Variants in CADM2 observed in about 807,000 individuals in gnomAD.
CADM2 encodes the protein immunoglobulin superfamily member 4D.
CADM2 carries 12 observed loss-of-function variants against 49.8 expected under a neutral mutation model. The observed-to-expected ratio is 0.24, with a 90% CI of 0.15 to 0.39. CADM2 has a LOEUF of 0.39. Among genes scored for constraint, CADM2 ranks in the 10% least tolerant of loss-of-function variants. The pLI is 1.00. For missense variants in CADM2, 378 were observed against 492.3 expected (o/e 0.77, Z 2.20); for synonymous variants, 214 against 175.4 (o/e 1.22, Z -1.74).
intron 2 of CADM2, among the ~76,000 whole-genome samples, chr3:85,758,871 G>T (rs1263159385): frequency 2.0e-5 from 3 of 151,944 alleles, no homozygotes; most frequent in Non-Finnish European, 4.4e-5. Context: ...TTGTCCCAAA[G>T]ACAGAAAAAT....
At chr3:85,568,614 T>TTTTTC (rs1553743697) in intron 1 of CADM2, among the ~76,000 whole-genome samples, 2 of 112,670 alleles carry the variant, frequency 1.8e-5, no homozygotes, top group Non-Finnish European at 3.4e-5. Flanking sequence ...CTCTCTTTCT[T>TTTTTC]TTTTTTTTTT....
intron 2 of CADM2, among the ~76,000 whole-genome samples, chr3:85,740,270 T>C (rs577269851): frequency 7.9e-5 from 12 of 152,200 alleles, no homozygotes; most frequent in African/African-American, 2.9e-4. Flanking sequence ...TAGTCTTCCA[T>C]AGGTTAACTG....
chr3:85,773,337 A>G (rs2107962412), intron 2 of CADM2, among the ~76,000 whole-genome samples: 1 of 152,102 alleles, frequency 6.6e-6, no homozygotes, highest in Non-Finnish European at 1.5e-5. Flanking sequence ...AAGATGGGCA[A>G]TGCAGACCAG....
chr3:85,523,542 G>A (rs1186807767), intron 1 of CADM2, among the ~76,000 whole-genome samples: 7 of 151,946 alleles, frequency 4.6e-5, no homozygotes, highest in Admixed American at 6.6e-5. Flanking sequence ...GCAAGGAAAA[G>A]GATTCCTTTT....
rs746649741 is a variant in CADM2 at position 86,069,719 on chromosome 3, A to G, written c.*2936A>G. 1 of 152,148 alleles carries G rather than the reference A, an allele frequency of 6.6e-6. No individual in the cohort carries two copies. The highest frequency in any genetic ancestry group is 1.9e-4 in the East Asian group (1 of 5,172). The allele number at this position is 152,148 out of a possible 1,614,324, so 9.4% of individuals were successfully genotyped here. ...GTGTGCACACACACACACCCTTAGT[A>G]GAATATGGAGCATTATTCTTTACCA... On this transcript the variant is annotated 3_prime_UTR_variant, in exon 10 of 10. Transcript: ENST00000383699.
intron 1 of CADM2, among the ~76,000 whole-genome samples, chr3:85,709,866 G>A (rs2067065818): frequency 6.6e-6 from 1 of 152,062 alleles, no homozygotes; most frequent in Non-Finnish European, 1.5e-5. Flanking sequence ...GGTTTTATGA[G>A]GTTTTAAGGA....
chr3:85,562,239 G>C (rs927384819), intron 1 of CADM2, among the ~76,000 whole-genome samples: 1 of 151,930 alleles, frequency 6.6e-6, no homozygotes, highest in Non-Finnish European at 1.5e-5. Flanking sequence ...CAGCACTTTC[G>C]GGGGCTGAGA....
At chr3:85,632,521 G>C (rs1363262830) in intron 1 of CADM2, among the ~76,000 whole-genome samples, 1 of 152,148 alleles carries the variant, frequency 6.6e-6, no homozygotes, top group Non-Finnish European at 1.5e-5. Flanking sequence ...AATAAACAAA[G>C]TTTTCTGGCT....
intron 1 of CADM2, among the ~76,000 whole-genome samples, chr3:85,351,635 A>G (rs1423953902): frequency 6.6e-6 from 1 of 152,034 alleles, no homozygotes; most frequent in Admixed American, 6.6e-5. Flanking sequence ...AGTTTACTGC[A>G]CAGGCTGAGG....
At chr3:85,814,384 T>C (rs1438040580) in intron 3 of CADM2, among the ~76,000 whole-genome samples, 2 of 151,990 alleles carry the variant, frequency 1.3e-5, no homozygotes, top group African/African-American at 2.4e-5. Flanking sequence ...TTTTCACACA[T>C]TGATTTTGCA....
chr3:85,042,532 A>G (rs1178499056), intron 1 of CADM2, among the ~76,000 whole-genome samples: 1 of 152,102 alleles, frequency 6.6e-6, no homozygotes, highest in Non-Finnish European at 1.5e-5. Flanking sequence ...ATGCTCTGCA[A>G]TAAATGACTA....
intron 2 of CADM2, 110 bp from the exon 3 acceptor site, chr3:85,801,937 G>A: frequency 1.2e-6 from 1 of 858,730 alleles, no homozygotes; most frequent in Non-Finnish European, 1.7e-6. Flanking sequence ...GTCGTTGTTT[G>A]GTTGTTTTAA....
chr3:85,433,702 G>T (rs2036794702), intron 1 of CADM2, among the ~76,000 whole-genome samples: 2 of 152,066 alleles, frequency 1.3e-5, no homozygotes, highest in South Asian at 4.1e-4. Flanking sequence ...CCAATTATAG[G>T]TTGTATAGAA....
At chr3:85,245,598 C>T (rs560833906) in intron 1 of CADM2, among the ~76,000 whole-genome samples, 1 of 152,062 alleles carries the variant, frequency 6.6e-6, no homozygotes, top group Middle Eastern at 3.4e-3. Flanking sequence ...CCCTTACATA[C>T]GTGTGCACCT....
intron 1 of CADM2, among the ~76,000 whole-genome samples, chr3:85,283,031 T>A (rs780764933): frequency 2.6e-5 from 4 of 152,078 alleles, no homozygotes; most frequent in South Asian, 4.1e-4. Context: ...ACAAATTTTA[T>A]GTATAAATAA....
At chr3:85,338,612 C>G (rs1182164664) in intron 1 of CADM2, among the ~76,000 whole-genome samples, 2 of 151,392 alleles carry the variant, frequency 1.3e-5, no homozygotes, top group Non-Finnish European at 3.0e-5. Flanking sequence ...TATACAGAAG[C>G]TTTTTGATAA....
intron 1 of CADM2, among the ~76,000 whole-genome samples, chr3:84,968,618 T>C (rs1165597784): frequency 3.9e-5 from 6 of 152,116 alleles, no homozygotes; most frequent in African/African-American, 1.4e-4. Context: ...CATAATACAG[T>C]ATCTGTTATT....
chr3:85,414,110 G>A (rs922545348), intron 1 of CADM2, among the ~76,000 whole-genome samples: 4 of 152,038 alleles, frequency 2.6e-5, no homozygotes, highest in African/African-American at 4.8e-5. Context: ...TAATCCACCC[G>A]CCTCAGTCTC....
intron 1 of CADM2, among the ~76,000 whole-genome samples, chr3:85,563,412 G>T (rs937707518): frequency 2.1e-5 from 1 of 48,720 alleles, no homozygotes; most frequent in African/African-American, 3.7e-5. Flanking sequence ...GTGTGTGTGT[G>T]GGGGGGTGGT....
Sources: allele counts gnomAD v4.1 joint callset (sites outside exome capture counted in the v4.1 genomes callset), GRCh38; gene constraint gnomAD v4.1.1; transcripts MANE v1.5; gene names NCBI Gene and HGNC (gene_info 2026-07-23, HGNC 2026-07-21).